Variants in NMNAT2 observed in about 807,000 individuals in gnomAD.
NMNAT2 encodes the protein nicotinamide/nicotinic acid mononucleotide adenylyltransferase 2.
Under a neutral mutation model 41.6 loss-of-function variants are expected in NMNAT2, and 11 were observed. The ratio of observed to expected loss-of-function variants is 0.26; its 90% CI spans 0.17 to 0.44. NMNAT2 has a LOEUF of 0.44. Among genes scored for constraint, NMNAT2 ranks in the 20% least tolerant of loss-of-function variants. The probability of loss-of-function intolerance (pLI) is 1.00; values close to 1 mark genes in which losing one functional copy is unlikely to be tolerated. For missense variants in NMNAT2, 288 were observed against 407.7 expected, an observed-to-expected ratio of 0.71 and a Z score of 2.53; for synonymous variants, 148 against 151.2, an observed-to-expected ratio of 0.98 and a Z score of 0.16.
chr1:183,390,007 G>A (rs558187361), intron 1 of NMNAT2, among the ~76,000 whole-genome samples: 15 of 152,002 alleles, frequency 9.9e-5, no homozygotes, highest in Non-Finnish European at 1.3e-4. Context: ...TTACAGGATA[G>A]TGCAATAGAA....
At position 183,357,375 on chromosome 1, in the gene NMNAT2, G is replaced by A. The variant is rs554338067; in HGVS notation, c.85+60808C>T. Among the ~76,000 whole-genome samples, 22 of 151,678 alleles carry A rather than the reference G, an allele frequency of 1.5e-4. No individual in the cohort carries two copies. The East Asian group carries it at 3.5e-3, about 24-fold the overall frequency. On this transcript the variant is annotated intron_variant, in intron 1 of 10. Coordinates refer to ENST00000287713, the MANE Select transcript of NMNAT2 (RefSeq NM_015039.4). Reference sequence around the variant, plus strand: ...CTCCCGAGTAGCTGGGACTACAGGCGCCTGCCACCACGCCCGGCTAATTTT... The same window carrying A: ...CTCCCGAGTAGCTGGGACTACAGGCACCTGCCACCACGCCCGGCTAATTTT...
At chr1:183,255,160 T>C (rs1660483991) in intron 10 of NMNAT2, among the ~76,000 whole-genome samples, 1 of 152,250 alleles carries the variant, frequency 6.6e-6, no homozygotes, top group Non-Finnish European at 1.5e-5. Context: ...CAGCACCATC[T>C]ATTGAAGAGA....
At chr1:183,254,132 T>C (rs1463662034) in intron 10 of NMNAT2, among the ~76,000 whole-genome samples, 1 of 152,146 alleles carries the variant, frequency 6.6e-6, no homozygotes, top group African/African-American at 2.4e-5. Context: ...CATATGACAG[T>C]TCCGTTTTTA....
intron 1 of NMNAT2, among the ~76,000 whole-genome samples, chr1:183,315,741 A>G (rs1286874407): frequency 6.7e-6 from 1 of 149,940 alleles, no homozygotes; most frequent in Non-Finnish European, 1.5e-5. Flanking sequence ...AGGTCATGCC[A>G]CTGCACTCCA....
At chr1:183,324,783 C>G (rs1299897766) in intron 1 of NMNAT2, among the ~76,000 whole-genome samples, 1 of 152,162 alleles carries the variant, frequency 6.6e-6, no homozygotes, top group Non-Finnish European at 1.5e-5. Flanking sequence ...GCACTTCACA[C>G]TGTACTTCTT....
At position 183,403,569 on chromosome 1, in the gene NMNAT2, A is replaced by G. The variant is rs569854657; in HGVS notation, c.85+14614T>C. ...CTTTGAGAGCTTAGTACGACCACAT[A>G]TGAAACCACAAAGAACCAATCTTAA... On this transcript the variant is annotated intron_variant, in intron 1 of 10. Coordinates refer to ENST00000287713, the MANE Select transcript of NMNAT2 (RefSeq NM_015039.4). Among the ~76,000 whole-genome samples the G allele has an allele frequency of 1.2e-4, 19 of 152,210 alleles. No homozygotes were observed. The South Asian group carries it at 2.9e-3, about 23-fold the overall frequency.
chr1:183,281,520 A>T (rs1018570137), intron 7 of NMNAT2, among the ~76,000 whole-genome samples: 3 of 152,246 alleles, frequency 2.0e-5, no homozygotes, highest in Non-Finnish European at 4.4e-5. Context: ...ATAATATGGG[A>T]CTTTTATGTT....
rs371644760 is a variant in NMNAT2, at chr1:183,332,312, C to T, written c.86-38519G>A. Among the ~76,000 whole-genome samples, 317 of 152,262 alleles carry T rather than the reference C, an allele frequency of 2.1e-3. 1 individual carries two copies. Among genetic ancestry groups the T allele is most frequent in the African/African-American group, 7.4e-3 (306 of 41,534 alleles). On this transcript the variant is annotated intron_variant, in intron 1 of 10. Transcript: ENST00000287713. ...CTCCTTTGTGTGTTCTCTGATCTCACCAATGTGAGATTTTTTAATAGACAA... is the reference window on the plus strand; with the variant it reads ...CTCCTTTGTGTGTTCTCTGATCTCATCAATGTGAGATTTTTTAATAGACAA...
chr1:183,391,156 T>A (rs546009785), intron 1 of NMNAT2, among the ~76,000 whole-genome samples: 1 of 152,286 alleles, frequency 6.6e-6, no homozygotes, highest in African/African-American at 2.4e-5. Context: ...TCTGCTTCTT[T>A]TGCCTGCTTC....
chr1:183,401,629 G>A (rs1241956705), intron 1 of NMNAT2, among the ~76,000 whole-genome samples: 2 of 151,782 alleles, frequency 1.3e-5, no homozygotes. Flanking sequence ...TGTTTATTGT[G>A]GCACTATTCA....
chr1:183,292,929 G>A (rs1175061280), intron 2 of NMNAT2, 72 bp from the exon 3 acceptor site: 2 of 1,415,340 alleles, frequency 1.4e-6, no homozygotes, highest in Non-Finnish European at 2.0e-6. Flanking sequence ...ACCAGCCCAA[G>A]CCCACCCATT....
At chr1:183,332,328 T>A (rs1477994020) in intron 1 of NMNAT2, among the ~76,000 whole-genome samples, 1 of 152,244 alleles carries the variant, frequency 6.6e-6, no homozygotes, top group Admixed American at 6.5e-5. Context: ...TGAGATTTTT[T>A]AATAGACAAC....
intron 1 of NMNAT2, among the ~76,000 whole-genome samples, chr1:183,319,020 C>T (rs1662308583): frequency 6.6e-6 from 1 of 152,212 alleles, no homozygotes; most frequent in African/African-American, 2.4e-5. Context: ...GCATTCTCCT[C>T]ATTGCAATGC....
intron 1 of NMNAT2, among the ~76,000 whole-genome samples, chr1:183,365,102 A>G (rs116808024): frequency 3.0e-3 from 464 of 152,340 alleles, no homozygotes; most frequent in African/African-American, 0.011. Context: ...CTGACAGCCT[A>G]TGAATCAGAG....
intron 1 of NMNAT2, among the ~76,000 whole-genome samples, chr1:183,408,504 C>T (rs1163492386): frequency 6.6e-6 from 1 of 152,054 alleles, no homozygotes; most frequent in Non-Finnish European, 1.5e-5. Flanking sequence ...GGCCTGCAGG[C>T]CATAGTTTGC....
At chr1:183,382,492 ACATT>A (rs2101916581) in intron 1 of NMNAT2, among the ~76,000 whole-genome samples, 1 of 152,294 alleles carries the variant, frequency 6.6e-6, no homozygotes, top group Admixed American at 6.5e-5. Context: ...TCAAAAGTCC[ACATT>A]CCAAAGTCTC....
chr1:183,294,203 G>T (rs751684869), intron 1 of NMNAT2, among the ~76,000 whole-genome samples: 2 of 152,140 alleles, frequency 1.3e-5, no homozygotes, highest in Non-Finnish European at 2.9e-5. Context: ...TAATATGAAA[G>T]ATGTGCTGAT....
chr1:183,271,903 C>T (rs1172091554), intron 8 of NMNAT2, among the ~76,000 whole-genome samples: 2 of 152,242 alleles, frequency 1.3e-5, no homozygotes, highest in East Asian at 3.9e-4. Context: ...CAGGAGCCTG[C>T]CACCACGCCT....
At chr1:183,369,857 T>C (rs1191356618) in intron 1 of NMNAT2, among the ~76,000 whole-genome samples, 1 of 152,032 alleles carries the variant, frequency 6.6e-6, no homozygotes, top group Non-Finnish European at 1.5e-5. Flanking sequence ...ATTCTAGGAA[T>C]GAGAATGGCA....
Sources: gnomAD v4.1 joint callset for allele counts (sites outside exome capture counted in the v4.1 genomes callset) on GRCh38, gnomAD v4.1.1 for gene constraint, MANE v1.5 for transcripts, NCBI Gene and HGNC (gene_info 2026-07-23, HGNC 2026-07-21) for gene names.